Variants in SLC4A10 observed in about 807,000 individuals in gnomAD.
SLC4A10 encodes sodium-driven chloride bicarbonate exchanger.
Under a neutral mutation model 137.7 loss-of-function variants are expected in SLC4A10, and 42 were observed. That is an observed-to-expected ratio of 0.30 (90% CI 0.24 to 0.39). SLC4A10 has a LOEUF of 0.39. Ranked by LOEUF, SLC4A10 falls within the 10% of genes least tolerant of loss-of-function variation. The probability of loss-of-function intolerance (pLI) is 1.00; values close to 1 mark genes in which losing one functional copy is unlikely to be tolerated. For synonymous variants in SLC4A10, 474 were observed against 464.1 expected, an observed-to-expected ratio of 1.02 and a Z score of -0.27; for missense variants, 925 against 1,355.0, an observed-to-expected ratio of 0.68 and a Z score of 4.98.
chr2:161,964,267 A>T lies in SLC4A10; in HGVS notation c.2995A>T (p.Ile999Leu), dbSNP rs767136316. ...GATGAGTTGCCTTGGCCTTTTGTGG[A>T]TAATAAAAGTTTCAAGAGCTGCTAT... ...IQMSCLGLLW[I>L]IKVSRAAIVF... Residue 999 changes from isoleucine (I) to leucine (L), a missense_variant, in exon 22 of 27, where the codon ATA becomes TTA. This residue lies in a region of SLC4A10 where 115 missense variants were observed against 237.5 expected (regional missense o/e 0.48). Coordinates refer to ENST00000446997, the MANE Select transcript of SLC4A10 (RefSeq NM_001178015.2). 1.2e-6 allele frequency: 2 copies of T among 1,613,604 alleles called. No individual in the cohort carries two copies. Among genetic ancestry groups the T allele is most frequent in the Non-Finnish European group, 1.7e-6 (2 of 1,179,640 alleles).
At chr2:161,667,128 T>C (rs571886885) in intron 1 of SLC4A10, among the ~76,000 whole-genome samples, 2 of 151,788 alleles carry the variant, frequency 1.3e-5, no homozygotes, top group East Asian at 3.9e-4. Context: ...TTGGATTATG[T>C]TGAGAGATAT....
intron 1 of SLC4A10, among the ~76,000 whole-genome samples, chr2:161,661,916 G>A (rs1341017111): frequency 6.6e-6 from 1 of 152,088 alleles, no homozygotes; most frequent in African/African-American, 2.4e-5. Flanking sequence ...AGTTAAACTT[G>A]TAATATTCAC....
Position 161,767,105 on chromosome 2 carries a change from AT to A in SLC4A10, c.49-3867del, listed in dbSNP as rs1295569727. ...AAAGAATTAAGAAGCATATATATAT[AT>A]ATATATATATATATATATATATATA... On this transcript the variant is annotated intron_variant, in intron 1 of 26. Coordinates refer to ENST00000446997, the MANE Select transcript of SLC4A10 (RefSeq NM_001178015.2). 1.9e-4 allele frequency among the ~76,000 whole-genome samples: 10 copies of A among 51,296 alleles called. 1 individual carries two copies. Among genetic ancestry groups the A allele is most frequent in the African/African-American group, 1.4e-3 (10 of 7,148 alleles). 33.7% of individuals were successfully genotyped at this position (51,296 alleles called of 152,430 possible).
intron 1 of SLC4A10, among the ~76,000 whole-genome samples, chr2:161,680,184 G>GAGTTTTGT (rs1161758673): frequency 6.6e-6 from 1 of 152,098 alleles, no homozygotes; most frequent in East Asian, 1.9e-4. Context: ...TCTGTTCACA[G>GAGTTTTGT]AGTTTTGTAG....
At chr2:161,859,439 C>T (rs577931495) in intron 5 of SLC4A10, among the ~76,000 whole-genome samples, 3 of 151,374 alleles carry the variant, frequency 2.0e-5, no homozygotes, top group Non-Finnish European at 3.0e-5. Flanking sequence ...TACAGGCACA[C>T]GGCAACATGC....
chr2:161,768,727 A>T (rs757495230), intron 1 of SLC4A10, among the ~76,000 whole-genome samples: 12 of 151,992 alleles, frequency 7.9e-5, no homozygotes, highest in Non-Finnish European at 1.3e-4. Context: ...TCTGAATCAG[A>T]CTATTCTGAT....
At chr2:161,781,752 C>A (rs539829862) in intron 2 of SLC4A10, among the ~76,000 whole-genome samples, 1 of 152,106 alleles carries the variant, frequency 6.6e-6, no homozygotes, top group South Asian at 2.1e-4. Flanking sequence ...AATTCAGGAA[C>A]AATTCACAGA....
intron 1 of SLC4A10, among the ~76,000 whole-genome samples, chr2:161,639,690 GC>G (rs2105474198): frequency 6.6e-6 from 1 of 152,206 alleles, no homozygotes; most frequent in South Asian, 2.1e-4. Flanking sequence ...AAAGTAGAAA[GC>G]TTTTCTTCAG....
At chr2:161,854,911 T>G in intron 4 of SLC4A10, 59 bp from the exon 5 acceptor site, 2 of 1,459,126 alleles carry the variant, frequency 1.4e-6, no homozygotes, top group Non-Finnish European at 1.8e-6. Context: ...ATTTTTGGTA[T>G]AAAGGATCAT....
intron 1 of SLC4A10, among the ~76,000 whole-genome samples, chr2:161,709,287 C>G (rs2044032159): frequency 6.6e-6 from 1 of 151,524 alleles, no homozygotes; most frequent in Non-Finnish European, 1.5e-5. Flanking sequence ...ATTTCTTAAC[C>G]ATAGAAACTG....
chr2:161,910,395 C>T (rs1277346698), intron 15 of SLC4A10, among the ~76,000 whole-genome samples: 1 of 151,922 alleles, frequency 6.6e-6, no homozygotes, highest in Non-Finnish European at 1.5e-5. Flanking sequence ...CTGAATATGC[C>T]AAGTTAGCAA....
chr2:161,952,568 G>A (rs1156449740), intron 19 of SLC4A10, among the ~76,000 whole-genome samples: 1 of 152,038 alleles, frequency 6.6e-6, no homozygotes, highest in Non-Finnish European at 1.5e-5. Context: ...GTGTATTTTT[G>A]CCCCTTACTA....
intron 1 of SLC4A10, among the ~76,000 whole-genome samples, chr2:161,744,474 G>A (rs1317892242): frequency 6.6e-6 from 1 of 152,086 alleles, no homozygotes; most frequent in Non-Finnish European, 1.5e-5. Flanking sequence ...GCATCCCTGG[G>A]ATAAATACCA....
At position 161,788,359 on chromosome 2, in the gene SLC4A10, C is replaced by T. The variant is rs144032089; in HGVS notation, c.131-16090C>T. On this transcript the variant is annotated intron_variant, in intron 2 of 26. Coordinates refer to ENST00000446997, the MANE Select transcript of SLC4A10 (RefSeq NM_001178015.2). ...ACAGTAGGTTTTTTATTTGGTGGTG[C>T]AATTCAGTCTTCAGTCAAGTAGGAG... 6.1e-3 allele frequency among the ~76,000 whole-genome samples: 930 copies of T among 151,952 alleles called. 11 individuals carry two copies. Among genetic ancestry groups the T allele is most frequent in the African/African-American group, 0.021 (884 of 41,442 alleles).
rs1682918510 is a variant in SLC4A10, at chr2:161,900,778, CAAGT to C, written c.1342-127_1342-124del. 5.1e-6 allele frequency: 3 copies of C among 586,352 alleles called. No homozygotes were observed. The South Asian group carries it at 8.4e-5, about 16-fold the overall frequency. 36.3% of individuals were successfully genotyped at this position (586,352 alleles called of 1,614,324 possible). Reference sequence around the variant, plus strand: ...AAATAACTTCCTGGAGGTCAAGCAACAAGTAAGTACAGAGCCTGGGTTCTCAGCT... The same window carrying C: ...AAATAACTTCCTGGAGGTCAAGCAACAAGTACAGAGCCTGGGTTCTCAGCT... On this transcript the variant is annotated intron_variant, in intron 11 of 26. Transcript: ENST00000446997.
At chr2:161,823,594 C>T (rs1399193033) in intron 3 of SLC4A10, among the ~76,000 whole-genome samples, 1 of 152,194 alleles carries the variant, frequency 6.6e-6, no homozygotes, top group Non-Finnish European at 1.5e-5. Flanking sequence ...CATAACATTA[C>T]AAGACAAAGT....
Position 161,802,911 on chromosome 2 carries a change from G to A in SLC4A10, c.131-1538G>A, listed in dbSNP as rs182303984. ...TTTAACCTTAATTACCTCTATAAAG[G>A]CCCTATCTCTAAATACAGTCACATT... On this transcript the variant is annotated intron_variant, in intron 2 of 26. Coordinates refer to ENST00000446997, the MANE Select transcript of SLC4A10 (RefSeq NM_001178015.2). 1.9e-3 allele frequency among the ~76,000 whole-genome samples: 287 copies of A among 152,028 alleles called. 2 individuals carry two copies. Among genetic ancestry groups the A allele is most frequent in the African/African-American group, 6.6e-3 (275 of 41,490 alleles).
intron 1 of SLC4A10, among the ~76,000 whole-genome samples, chr2:161,716,866 T>C (rs2044968054): frequency 6.6e-6 from 1 of 151,562 alleles, no homozygotes; most frequent in South Asian, 2.1e-4. Flanking sequence ...GTTTAATCAT[T>C]GAATCTATAA....
intron 1 of SLC4A10, among the ~76,000 whole-genome samples, chr2:161,704,496 T>C (rs746907283): frequency 2.0e-5 from 3 of 151,672 alleles, no homozygotes; most frequent in Non-Finnish European, 4.4e-5. Flanking sequence ...GGGGTATTTG[T>C]TGAACTATTG....
Sources: allele counts gnomAD v4.1 joint callset (sites outside exome capture counted in the v4.1 genomes callset), GRCh38; gene constraint gnomAD v4.1.1; regional missense constraint gnomAD v4.1.1; transcripts MANE v1.5; gene names NCBI Gene and HGNC (gene_info 2026-07-23, HGNC 2026-07-21).